Variants in AXDND1 observed in about 807,000 individuals in gnomAD.
The protein encoded by AXDND1 is axonemal dynein light chain domain-containing protein 1.
A neutral mutation model predicts 137.5 loss-of-function variants in AXDND1; 110 were observed. The observed-to-expected ratio is 0.80, with a 90% confidence interval of 0.69 to 0.94. The LOEUF is 0.94. Ranked by LOEUF, AXDND1 falls within the 40% of genes least tolerant of loss-of-function variation. AXDND1 has a pLI of 0.00. For synonymous variants in AXDND1, 414 were observed against 399.7 expected (o/e 1.04, Z -0.43); for missense variants, 1,191 against 1,169.8 (o/e 1.02, Z -0.26).
At chr1:179,475,032 A>C (rs1664434520) in intron 17 of AXDND1, among the ~76,000 whole-genome samples, 1 of 151,596 alleles carries the variant, frequency 6.6e-6, no homozygotes, top group Non-Finnish European at 1.5e-5. Context: ...CCATTGCTTC[A>C]AAAGGTGGTC....
At chr1:179,404,974 T>C (rs1652709766) in intron 11 of AXDND1, among the ~76,000 whole-genome samples, 1 of 151,926 alleles carries the variant, frequency 6.6e-6, no homozygotes. Flanking sequence ...GTTACATAGG[T>C]ATATATGTGC....
At chr1:179,396,329 A>G (rs933192688) in intron 11 of AXDND1, among the ~76,000 whole-genome samples, 4 of 151,866 alleles carry the variant, frequency 2.6e-5, no homozygotes, top group South Asian at 4.1e-4. Flanking sequence ...ATGTTTTTAT[A>G]TTTTACTATA....
intron 4 of AXDND1, among the ~76,000 whole-genome samples, chr1:179,374,203 A>G (rs563096020): frequency 1.3e-5 from 2 of 152,374 alleles, no homozygotes; most frequent in Admixed American, 6.5e-5. Context: ...ATATTCATGC[A>G]GCCAACAGAC....
intron 25 of AXDND1, chr1:179,551,535 G>A: frequency 4.0e-6 from 6 of 1,506,942 alleles, no homozygotes; most frequent in Non-Finnish European, 5.5e-6. Context: ...CAGCAGACAA[G>A]CACTGAGCAT....
intron 20 of AXDND1, among the ~76,000 whole-genome samples, chr1:179,501,358 T>TG (rs1667981194): frequency 6.6e-6 from 1 of 152,194 alleles, no homozygotes. Flanking sequence ...CAAAAATTTA[T>TG]GGCCTTTTAT....
intron 18 of AXDND1, among the ~76,000 whole-genome samples, chr1:179,490,292 G>A (rs910180186): frequency 3.9e-5 from 6 of 152,156 alleles, no homozygotes; most frequent in Non-Finnish European, 8.8e-5. Context: ...TCATGTTTAA[G>A]CCTAGAGAAA....
At chr1:179,408,148 C>A (rs1653267128) in intron 11 of AXDND1, among the ~76,000 whole-genome samples, 1 of 151,968 alleles carries the variant, frequency 6.6e-6, no homozygotes, top group Admixed American at 6.6e-5. Context: ...TGTTGAGTTT[C>A]TCATCCAGAT....
At chr1:179,508,216 G>A (rs1572119484) in intron 20 of AXDND1, among the ~76,000 whole-genome samples, 1 of 151,934 alleles carries the variant, frequency 6.6e-6, no homozygotes, top group Non-Finnish European at 1.5e-5. Flanking sequence ...CACACCTGTG[G>A]TCCCAGCTAC....
intron 11 of AXDND1, among the ~76,000 whole-genome samples, chr1:179,403,240 C>G (rs190831862): frequency 6.6e-6 from 1 of 152,268 alleles, no homozygotes; most frequent in East Asian, 1.9e-4. Context: ...ATTTATAGTA[C>G]TGTACTGTAT....
chr1:179,536,783 A>G (rs957926636), intron 25 of AXDND1, among the ~76,000 whole-genome samples: 1 of 152,176 alleles, frequency 6.6e-6, no homozygotes, highest in Non-Finnish European at 1.5e-5. Flanking sequence ...ATAGCATTGA[A>G]TCTACAAATT....
chr1:179,506,974 C>T, intron 20 of AXDND1: 2 of 882,850 alleles, frequency 2.3e-6, no homozygotes, highest in Non-Finnish European at 2.7e-6. Context: ...ATCTGTGGAT[C>T]ATGGATTCTT....
At chr1:179,546,845 G>A (rs865778183) in intron 25 of AXDND1, among the ~76,000 whole-genome samples, 6 of 152,114 alleles carry the variant, frequency 3.9e-5, no homozygotes, top group Middle Eastern at 3.2e-3. Flanking sequence ...CTCAGTGCGC[G>A]TGGGCTCCAG....
At chr1:179,437,801 C>A (rs1276569817) in intron 15 of AXDND1, among the ~76,000 whole-genome samples, 1 of 152,134 alleles carries the variant, frequency 6.6e-6, no homozygotes, top group African/African-American at 2.4e-5. Context: ...CAAAAGAAGG[C>A]TGAAATTCTT....
chr1:179,515,472 G>A (rs997282037), intron 21 of AXDND1, among the ~76,000 whole-genome samples: 2 of 152,042 alleles, frequency 1.3e-5, no homozygotes, highest in East Asian at 1.9e-4. Context: ...CCTTTATAGG[G>A]TACCTGATGC....
At chr1:179,412,762 C>A (rs902255306) in intron 12 of AXDND1, among the ~76,000 whole-genome samples, 4 of 152,138 alleles carry the variant, frequency 2.6e-5, no homozygotes, top group African/African-American at 7.2e-5. Flanking sequence ...TAGGAAGCAG[C>A]AAAATCTCTT....
intron 20 of AXDND1, among the ~76,000 whole-genome samples, chr1:179,502,946 T>G (rs922450269): frequency 1.1e-4 from 16 of 151,458 alleles, no homozygotes; most frequent in Non-Finnish European, 1.5e-5. Context: ...AAATACAAAA[T>G]TAGCCAGGCG....
At chr1:179,513,657 G>A (rs934822124) in intron 21 of AXDND1, among the ~76,000 whole-genome samples, 14 of 152,010 alleles carry the variant, frequency 9.2e-5, no homozygotes, top group Non-Finnish European at 1.6e-4. Context: ...TTCTTTGAAT[G>A]TCTGGTAGAA....
At chr1:179,515,166 T>C (rs953383758) in intron 21 of AXDND1, among the ~76,000 whole-genome samples, 5 of 152,184 alleles carry the variant, frequency 3.3e-5, no homozygotes, top group African/African-American at 1.2e-4. Context: ...TCATTTTTTT[T>C]GTTTTATAAG....
At chr1:179,401,258 C>CAAAAAAAAAAAAAAAAAAAAAAAAAAAAA (rs201354000) in intron 11 of AXDND1, among the ~76,000 whole-genome samples, 1 of 83,680 alleles carries the variant, frequency 1.2e-5, no homozygotes, top group Non-Finnish European at 2.3e-5. Context: ...AACTCCATCT[C>CAAAAAAAAAAAAAAAAAAAAAAAAAAAAA]AAAAAAAAAA....
Sources: gnomAD v4.1 joint callset for allele counts (sites outside exome capture counted in the v4.1 genomes callset) on GRCh38, gnomAD v4.1.1 for gene constraint, MANE v1.5 for transcripts, NCBI Gene and HGNC (gene_info 2026-07-23, HGNC 2026-07-21) for gene names.